The following SPAG1 variants were observed in gnomAD, a reference collection of about 807,000 sequenced individuals.
SPAG1 encodes the protein sperm-associated antigen 1.
In SPAG1, 69 loss-of-function variants were observed where a neutral mutation model predicts 100.5. The observed-to-expected ratio is 0.69, with a 90% CI of 0.57 to 0.84. The LOEUF (loss-of-function observed/expected upper bound fraction) is 0.84, where lower values mean the gene tolerates loss of function less well. Ranked by LOEUF, SPAG1 falls within the 40% of genes least tolerant of loss-of-function variation. SPAG1 has a pLI of 0.00. For missense variants in SPAG1, 955 were observed against 1,133.1 expected (o/e 0.84, Z 2.26); for synonymous variants, 336 against 411.6 (o/e 0.82, Z 2.22).
chr8:100,176,315 T>G (rs1816112568), intron 3 of SPAG1, among the ~76,000 whole-genome samples: 1 of 152,158 alleles, frequency 6.6e-6, no homozygotes, highest in African/African-American at 2.4e-5. Flanking sequence ...TGACTTTGCT[T>G]TTTCTGGAAT....
intron 13 of SPAG1, among the ~76,000 whole-genome samples, chr8:100,224,380 A>T (rs1818412926): frequency 6.6e-6 from 1 of 152,146 alleles, no homozygotes; most frequent in African/African-American, 2.4e-5. Context: ...CGTCTCTACT[A>T]AAAATACTAA....
At chr8:100,184,094 CTTTAAAGT>C (rs1816485584) in intron 6 of SPAG1, 32 bp downstream of exon 6, 1 of 987,582 alleles carries the variant, frequency 1.0e-6, no homozygotes, top group African/African-American at 1.7e-5. Flanking sequence ...ATTTAGTAGT[CTTTAAAGT>C]TTTTCAATTA....
intron 13 of SPAG1, among the ~76,000 whole-genome samples, chr8:100,223,924 T>C (rs1294406818): frequency 6.6e-6 from 1 of 152,164 alleles, no homozygotes; most frequent in Non-Finnish European, 1.5e-5. Flanking sequence ...AGGGAAATTA[T>C]GTGCATTACA....
In SPAG1 at chr8:100,186,503, T is replaced by A. The variant is rs528026977; in HGVS notation, c.702-617T>A. Among the ~76,000 whole-genome samples the A allele has an allele frequency of 3.9e-5, 6 of 152,356 alleles. No individual in the cohort carries two copies. The East Asian group carries it at 1.2e-3, about 29-fold the overall frequency. On this transcript the variant is annotated intron_variant, in intron 7 of 18. Coordinates refer to ENST00000388798, the MANE Select transcript of SPAG1 (RefSeq NM_003114.5). ...GTAACTAAAGCTCAGATTCCAGATC[T>A]ATCAGTATTTAAATTCCCATAATGC...
chr8:100,164,885 C>A (rs1294978985), intron 2 of SPAG1, among the ~76,000 whole-genome samples: 2 of 152,134 alleles, frequency 1.3e-5, no homozygotes, highest in African/African-American at 2.4e-5. Context: ...TTAACTCAGA[C>A]AAATATGTAA....
chr8:100,170,646 T>TATCTAATTGC (rs2132216511), intron 3 of SPAG1, among the ~76,000 whole-genome samples: 1 of 152,290 alleles, frequency 6.6e-6, no homozygotes, highest in South Asian at 2.1e-4. Flanking sequence ...AGTTTGTATT[T>TATCTAATTGC]ATCTAATTGC....
intron 13 of SPAG1, among the ~76,000 whole-genome samples, chr8:100,221,153 G>A (rs1270069432): frequency 6.6e-6 from 1 of 152,152 alleles, no homozygotes; most frequent in African/African-American, 2.4e-5. Flanking sequence ...AAACTGCTAT[G>A]TTGAATCCTC....
At chr8:100,158,990 T>C (rs1431921179) in intron 1 of SPAG1, 1 of 147,318 alleles carries the variant, frequency 6.8e-6, no homozygotes, top group Non-Finnish European at 1.5e-5. Context: ...AAAAAAAAGA[T>C]TCTCAGAGAA....
intron 15 of SPAG1, among the ~76,000 whole-genome samples, chr8:100,232,644 T>C (rs1249526081): frequency 6.6e-6 from 1 of 152,204 alleles, no homozygotes; most frequent in Admixed American, 6.5e-5. Context: ...TCCTCCTAAA[T>C]GTCTGCAGCA....
chr8:100,165,954 A>T lies in SPAG1; in HGVS notation c.281A>T (p.Lys94Ile). 6.2e-7 allele frequency: 1 copy of T among 1,613,774 alleles called. No homozygotes were observed. The highest frequency in any genetic ancestry group is 2.2e-5 in the East Asian group (1 of 44,882). The change falls in exon 3 of 19, where the codon AAA becomes ATA. Residue 94 changes from lysine (K) to isoleucine (I), a missense_variant. Coordinates refer to ENST00000388798, the MANE Select transcript of SPAG1 (RefSeq NM_003114.5). ...AGTTTTACAGCTGAAGAATGGGAAA[A>T]AATTGATGGTGATATAAAGGTATAT... is the stretch of plus-strand genomic sequence containing the variant. ...AASFTAEEWE[K>I]IDGDIKSWVS... is the part of the protein sequence containing the mutation.
chr8:100,213,912 G>GT lies in SPAG1; in HGVS notation c.1530dup (p.Asn511Ter). 6.4e-7 allele frequency: 1 copy of GT among 1,571,886 alleles called. No individual in the cohort carries two copies. The highest frequency in any genetic ancestry group is 8.7e-7 in the Non-Finnish European group (1 of 1,144,542). ...AACTGCAGTGGCTGCATTCAAGATT[G>GT]TAACAGGTAAACTGCACGTTTTCAG... On this transcript the variant is annotated frameshift_variant, in exon 12 of 19. Coordinates refer to ENST00000388798, the MANE Select transcript of SPAG1 (RefSeq NM_003114.5). LOFTEE classifies it high-confidence loss of function.
chr8:100,222,092 C>T (rs761999846), intron 13 of SPAG1, among the ~76,000 whole-genome samples: 8 of 152,228 alleles, frequency 5.3e-5, no homozygotes, highest in Non-Finnish European at 8.8e-5. Flanking sequence ...AGCCACCCCA[C>T]GGTGCGCCAT....
chr8:100,215,194 T>A (rs3098660), intron 12 of SPAG1, among the ~76,000 whole-genome samples: 2 of 150,678 alleles, frequency 1.3e-5, no homozygotes, highest in Non-Finnish European at 1.5e-5. Context: ...CATCCTCTGG[T>A]GTCCTCTGAG....
Position 100,213,189 on chromosome 8 carries a change from C to T in SPAG1, c.1196C>T (p.Pro399Leu), listed in dbSNP as rs775245369. 23 of 1,466,224 alleles carry T rather than the reference C, an allele frequency of 1.6e-5. No homozygotes were observed. In the South Asian group the frequency reaches 2.6e-4, roughly 16 times the overall value. The allele number at this position is 1,466,224 out of a possible 1,614,324, so 90.8% of individuals were successfully genotyped here. The change falls in exon 11 of 19, where the codon CCG (proline) becomes CTG (leucine). Residue 399 changes from proline to leucine, a missense_variant. Transcript: ENST00000388798. The part of the protein sequence containing the change: ...LTGKAEGGKR[P>L]ARGAPQRGQT... ...GGCAAAGCCGAAGGCGGCAAGCGGCCGGCAAGGGGCGCGCCGCAGCGGGGC... is the reference window on the plus strand; with the variant it reads ...GGCAAAGCCGAAGGCGGCAAGCGGCTGGCAAGGGGCGCGCCGCAGCGGGGC...
rs1816186155 is a variant in SPAG1 at position 100,177,632 on chromosome 8, TGTGA to T, written c.301-181_301-178del. On this transcript the variant is annotated intron_variant, in intron 3 of 18. Transcript: ENST00000388798. ...ATTTTTTTGATATTTCTAATTCATC[TGTGA>T]GTTTTTTCAAATCGTCACAAATCTC... Among the ~76,000 whole-genome samples, 3 of 152,228 alleles carry T rather than the reference TGTGA, an allele frequency of 2.0e-5. No individual in the cohort carries two copies. In the South Asian group the frequency reaches 6.2e-4, roughly 31 times the overall value.
chr8:100,233,776 G>C (rs560697522), intron 16 of SPAG1, among the ~76,000 whole-genome samples: 2 of 152,178 alleles, frequency 1.3e-5, no homozygotes, highest in Admixed American at 1.3e-4. Flanking sequence ...TTATTCTCTA[G>C]TTTTCTGAGG....
chr8:100,234,037 C>A (rs991252315), intron 16 of SPAG1, among the ~76,000 whole-genome samples: 19 of 152,168 alleles, frequency 1.2e-4, no homozygotes, highest in African/African-American at 4.3e-4. Flanking sequence ...TGCCATTCTT[C>A]TCTAAGAAAA....
rs772048232 is a variant in SPAG1, at chr8:100,183,949, A to T, written c.489-7A>T. 3 of 1,426,772 alleles carry T rather than the reference A, an allele frequency of 2.1e-6. No homozygotes were observed. The highest frequency in any genetic ancestry group is 2.4e-5 in the Admixed American group (1 of 41,474). 88.4% of individuals were successfully genotyped at this position (1,426,772 alleles called of 1,614,324 possible). ...CTTTTTTGGTTTTTATTGTTCTTTC[A>T]TTTAAGATTTGACGTGGAGAAGGAA... On this transcript the variant is annotated splice_polypyrimidine_tract_variant and splice_region_variant and intron_variant, in intron 5 of 18. Transcript: ENST00000388798.
intron 11 of SPAG1, 40 bp from the exon 12 acceptor site, chr8:100,213,779 T>C (rs1392055795): frequency 6.3e-6 from 8 of 1,266,388 alleles, no homozygotes; most frequent in Non-Finnish European, 6.9e-6. Context: ...GTGATCTTGC[T>C]AATGGATTTT....
Sources: allele counts gnomAD v4.1 joint callset (sites outside exome capture counted in the v4.1 genomes callset), GRCh38; gene constraint gnomAD v4.1.1; transcripts MANE v1.5; gene names NCBI Gene and HGNC (gene_info 2026-07-23, HGNC 2026-07-21).